The following DLG5 variants were observed in gnomAD, a reference collection of about 807,000 sequenced individuals.
DLG5 encodes discs large MAGUK scaffold protein 5.
DLG5 carries 48 observed loss-of-function variants against 189.8 expected under a neutral mutation model. That is an observed-to-expected ratio of 0.25 (90% CI 0.20 to 0.32). The LOEUF is 0.32. Ranked by LOEUF, DLG5 falls within the 10% of genes least tolerant of loss-of-function variation. The pLI, the probability that DLG5 is intolerant of heterozygous loss-of-function variation, is 1.00. For missense variants in DLG5, 2,160 were observed against 2,544.7 expected (o/e 0.85, Z 3.25); for synonymous variants, 1,016 against 1,054.1 (o/e 0.96, Z 0.70).
At chr10:77,865,046 C>T (rs1478348859) in intron 2 of DLG5, among the ~76,000 whole-genome samples, 1 of 152,344 alleles carries the variant, frequency 6.6e-6, no homozygotes, top group East Asian at 1.9e-4. Context: ...CCAAGGGCCA[C>T]TTCCTCCAGG....
At chr10:77,897,922 T>C (rs185140763) in intron 1 of DLG5, among the ~76,000 whole-genome samples, 77 of 152,214 alleles carry the variant, frequency 5.1e-4, no homozygotes, top group Non-Finnish European at 2.9e-5. Flanking sequence ...TGGAGAGTGG[T>C]AGAATTTCCA....
At chr10:77,861,226 C>T (rs1844457082) in intron 2 of DLG5, among the ~76,000 whole-genome samples, 2 of 152,180 alleles carry the variant, frequency 1.3e-5, no homozygotes, top group African/African-American at 4.8e-5. Flanking sequence ...TCTCACCTCA[C>T]GAGCCCTCTG....
At chr10:77,848,783 T>C (rs1263174082) in intron 5 of DLG5, among the ~76,000 whole-genome samples, 1 of 152,060 alleles carries the variant, frequency 6.6e-6, no homozygotes, top group Non-Finnish European at 1.5e-5. Flanking sequence ...AAAAAAAATC[T>C]ACAAGGATAC....
In DLG5 at chr10:77,811,795, C is replaced by T; in HGVS notation, c.4322+129G>A. ...TTCCAAAATCCAGGGCTGGTCAACT[C>T]TCTCTTTAGCAGCAGTAGGATCCCC... On this transcript the variant is annotated intron_variant, in intron 22 of 31. Transcript: ENST00000372391. 5 of 1,333,964 alleles carry T rather than the reference C, an allele frequency of 3.7e-6. No individual in the cohort carries two copies. In the South Asian group the frequency reaches 7.6e-5, roughly 20 times the overall value. The allele number at this position is 1,333,964 out of a possible 1,614,324, so 82.6% of individuals were successfully genotyped here. A position where few individuals can be genotyped will look rare whatever the true frequency, so the allele number is the denominator to read the frequency against.
intron 1 of DLG5, among the ~76,000 whole-genome samples, chr10:77,880,794 A>T (rs1845255093): frequency 6.6e-6 from 1 of 152,062 alleles, no homozygotes; most frequent in Admixed American, 6.6e-5. Flanking sequence ...ATTTGTATGG[A>T]TTATTTCATT....
At position 77,853,452 on chromosome 10, in the gene DLG5, G is replaced by T. The variant is rs747956657; in HGVS notation, c.766C>A (p.Arg256=). ...GACTGCTGCAGCAGGTTTCGCTCCC[G>T]CAGCAGCTGCCCATTCTCCCGCCTC... ...MLRRENGQLL[R]ERNLLQQSWE... Residue 256 remains arginine (R), a synonymous_variant, in exon 5 of 32, where the codon CGG becomes AGG. Coordinates refer to ENST00000372391, the MANE Select transcript of DLG5 (RefSeq NM_004747.4). 5 of 1,610,850 alleles carry T rather than the reference G, an allele frequency of 3.1e-6. No homozygotes were observed. The highest frequency in any genetic ancestry group is 1.7e-4 in the Middle Eastern group (1 of 6,054).
intron 9 of DLG5, among the ~76,000 whole-genome samples, chr10:77,831,458 A>C (rs1331369014): frequency 3.9e-5 from 6 of 152,258 alleles, no homozygotes; most frequent in Non-Finnish European, 7.3e-5. Flanking sequence ...ATTTTTGTAG[A>C]TATAGACGGC....
At chr10:77,850,932 T>C (rs1326458346) in intron 5 of DLG5, among the ~76,000 whole-genome samples, 2 of 152,286 alleles carry the variant, frequency 1.3e-5, no homozygotes, top group African/African-American at 2.4e-5. Flanking sequence ...CAAGGAAGTA[T>C]AGAATCCAAA....
intron 27 of DLG5, among the ~76,000 whole-genome samples, chr10:77,798,625 G>A (rs1039742211): frequency 2.6e-5 from 4 of 152,134 alleles, no homozygotes; most frequent in Admixed American, 6.5e-5. Flanking sequence ...TTTATAACTC[G>A]CTCCTTGTCC....
Position 77,812,007 on chromosome 10 carries a change from G to A in DLG5, c.4239C>T (p.Ile1413=), listed in dbSNP as rs1197172590. ...RSATEQQARL[I]IGQQCDTITI... The stretch of plus-strand genomic sequence containing the variant: ...TGATGGTATCACACTGCTGCCCGAT[G>A]ATGAGCCGCGCCTGCTGCTCCGTGG... Residue 1413 remains isoleucine (I), a synonymous_variant, in exon 22 of 32, where the codon ATC becomes ATT. Coordinates refer to ENST00000372391, the MANE Select transcript of DLG5 (RefSeq NM_004747.4). 4 of 1,611,156 alleles carry A rather than the reference G, an allele frequency of 2.5e-6. No individual in the cohort carries two copies. Among genetic ancestry groups the A allele is most frequent in the South Asian group, 1.1e-5 (1 of 91,070 alleles).
At chr10:77,866,001 A>G (rs1194383245) in intron 2 of DLG5, among the ~76,000 whole-genome samples, 2 of 152,198 alleles carry the variant, frequency 1.3e-5, no homozygotes, top group East Asian at 1.9e-4. Context: ...TAAATGGAAA[A>G]GTGGAAGTGA....
chr10:77,930,650 A>G (rs927275131), upstream of DLG5, among the ~76,000 whole-genome samples: 4 of 143,634 alleles, frequency 2.8e-5, no homozygotes, highest in Non-Finnish European at 6.1e-5. Context: ...AGCCCAGCCT[A>G]TTTATTTATT....
the DLG5 span, among the ~76,000 whole-genome samples, chr10:77,934,262 T>G: frequency 6.7e-6 from 1 of 149,580 alleles, no homozygotes; most frequent in Non-Finnish European, 1.5e-5. Context: ...TCCCAGCTAC[T>G]TGGGAGGCTG....
chr10:77,929,385 C>T (rs1190418011), upstream of DLG5: 3 of 152,172 alleles, frequency 2.0e-5, no homozygotes, highest in Non-Finnish European at 4.4e-5. Flanking sequence ...TGACCTTGTA[C>T]TTCTGCAGCA....
At chr10:77,914,036 T>C (rs578061162) in intron 1 of DLG5, among the ~76,000 whole-genome samples, 1 of 152,200 alleles carries the variant, frequency 6.6e-6, no homozygotes, top group Admixed American at 6.5e-5. Flanking sequence ...TCAGGTCTTA[T>C]CACATACCCT....
chr10:77,926,924 C>T (rs755089030), upstream of DLG5: 3 of 355,182 alleles, frequency 8.4e-6, no homozygotes, highest in South Asian at 5.7e-5. This position sits in a 1 kb window ranked among gnomAD's most constrained non-coding sequence, Gnocchi z 5.2. Context: ...CCGGGCCGCG[C>T]GCCGCCCCCA....
chr10:77,811,065 A>G (rs774761736), intron 23 of DLG5, 29 bp downstream of exon 23: 8 of 1,605,174 alleles, frequency 5.0e-6, no homozygotes, highest in Non-Finnish European at 6.8e-6. Context: ...AAGCGGACAC[A>G]GGGAAGGCTC....
intron 2 of DLG5, among the ~76,000 whole-genome samples, chr10:77,861,469 G>A (rs373584400): frequency 7.2e-5 from 11 of 152,188 alleles, no homozygotes; most frequent in African/African-American, 2.4e-4. Context: ...AGAGAGGAGA[G>A]GAGGCGGCAG....
At chr10:77,938,304 G>T in the DLG5 span, among the ~76,000 whole-genome samples, 1 of 151,960 alleles carries the variant, frequency 6.6e-6, no homozygotes, top group East Asian at 1.9e-4. Context: ...AAATTTTGCC[G>T]GGCATGGTCC....
Sources: gnomAD v4.1 joint callset for allele counts (sites outside exome capture counted in the v4.1 genomes callset) on GRCh38, gnomAD v4.1.1 for gene constraint, Gnocchi (gnomAD v3.1) non-coding constraint, MANE v1.5 for transcripts, NCBI Gene and HGNC (gene_info 2026-07-23, HGNC 2026-07-21) for gene names.